The following CSMD1 variants were observed in gnomAD, a reference collection of about 807,000 sequenced individuals.
The protein encoded by CSMD1 is CUB and Sushi multiple domains 1, also known as CUB and sushi domain-containing protein 1.
A neutral mutation model predicts 417.5 loss-of-function variants in CSMD1; 213 were observed. That is an observed-to-expected ratio of 0.51 (90% CI 0.46 to 0.57). CSMD1 has a LOEUF of 0.57. CSMD1 is among the 20% of genes least tolerant of loss of function. The pLI, the probability that CSMD1 is intolerant of heterozygous loss-of-function variation, is 0.00. For synonymous variants in CSMD1, 2,862 were observed against 1,736.8 expected, an observed-to-expected ratio of 1.65 and a Z score of -16.11; for missense variants, 6,923 against 4,529.7, an observed-to-expected ratio of 1.53 and a Z score of -15.17.
At chr8:4,688,645 G>A (rs1196374255) in intron 1 of CSMD1, among the ~76,000 whole-genome samples, 3 of 152,112 alleles carry the variant, frequency 2.0e-5, no homozygotes, top group Admixed American at 6.5e-5. Context: ...ATTTGGGGGG[G>A]TCTTTACCTA....
At chr8:4,100,686 C>A (rs192417996) in intron 3 of CSMD1, among the ~76,000 whole-genome samples, 3 of 152,112 alleles carry the variant, frequency 2.0e-5, no homozygotes, top group Non-Finnish European at 4.4e-5. Context: ...GCCATTCATA[C>A]TGGGAGACTC....
chr8:4,017,977 G>C (rs111461172), intron 4 of CSMD1, among the ~76,000 whole-genome samples: 2,415 of 152,186 alleles, frequency 0.016, 71 homozygotes, highest in African/African-American at 0.056. Flanking sequence ...ATTTATACAT[G>C]TTGCATTTTG....
intron 2 of CSMD1, among the ~76,000 whole-genome samples, chr8:4,626,878 A>C (rs2616985): frequency 6.6e-6 from 1 of 152,204 alleles, no homozygotes; most frequent in Non-Finnish European, 1.5e-5. Flanking sequence ...AAATCAAGTG[A>C]AATACTTGCC....
In CSMD1 at chr8:3,865,854, A is replaced by G. The variant is rs540135172; in HGVS notation, c.819-111812T>C. On this transcript the variant is annotated intron_variant, in intron 5 of 69. Coordinates refer to ENST00000635120, the MANE Select transcript of CSMD1 (RefSeq NM_033225.6). ...ACATTGCTCCATTTGAGCTGGAAACACGTGTTATAGTATACTAGAATTATA... is the reference window on the plus strand; with the variant it reads ...ACATTGCTCCATTTGAGCTGGAAACGCGTGTTATAGTATACTAGAATTATA... Among the ~76,000 whole-genome samples the G allele has an allele frequency of 1.8e-4, 27 of 152,276 alleles. No homozygotes were observed. The South Asian group carries it at 5.6e-3, about 32-fold the overall frequency.
intron 36 of CSMD1, among the ~76,000 whole-genome samples, chr8:3,186,135 A>C (rs1397336586): frequency 1.3e-5 from 2 of 151,844 alleles, no homozygotes; most frequent in Non-Finnish European, 2.9e-5. Context: ...AATTACATTA[A>C]GTGTTGGCAT....
At chr8:4,432,520 T>G (rs944541383) in intron 2 of CSMD1, among the ~76,000 whole-genome samples, 1 of 152,060 alleles carries the variant, frequency 6.6e-6, no homozygotes, top group African/African-American at 2.4e-5. Flanking sequence ...ATGCTCGGAG[T>G]GTGAAAACAC....
chr8:4,650,197 T>A (rs970401864), intron 1 of CSMD1, among the ~76,000 whole-genome samples: 4 of 151,552 alleles, frequency 2.6e-5, no homozygotes, highest in African/African-American at 7.3e-5. Context: ...TCCAAAAAAT[T>A]AGCCGGGTGT....
chr8:4,015,724 G>A (rs953405980), intron 4 of CSMD1, among the ~76,000 whole-genome samples: 1 of 145,608 alleles, frequency 6.9e-6, no homozygotes, highest in African/African-American at 2.5e-5. Flanking sequence ...TAAAACTGTT[G>A]AAAAATACTG....
At chr8:3,041,487 T>C (rs1275233763) in intron 50 of CSMD1, among the ~76,000 whole-genome samples, 1 of 152,236 alleles carries the variant, frequency 6.6e-6, no homozygotes. Context: ...CTAGGCGTAA[T>C]ATTATCCATA....
intron 2 of CSMD1, among the ~76,000 whole-genome samples, chr8:4,464,776 G>T (rs893830686): frequency 6.6e-6 from 1 of 152,154 alleles, no homozygotes; most frequent in Non-Finnish European, 1.5e-5. Context: ...TGAGTGGGGT[G>T]GGGCTGGGCT....
intron 3 of CSMD1, among the ~76,000 whole-genome samples, chr8:4,066,761 A>G (rs1199519034): frequency 6.6e-6 from 1 of 152,140 alleles, no homozygotes; most frequent in African/African-American, 2.4e-5. Flanking sequence ...ACCACAAGCA[A>G]ATACGGAAAG....
intron 1 of CSMD1, among the ~76,000 whole-genome samples, chr8:4,935,599 T>C (rs1189652509): frequency 6.6e-6 from 1 of 152,234 alleles, no homozygotes; most frequent in Admixed American, 6.5e-5. Context: ...TATAAGCCTA[T>C]TTTCATTTGC....
At chr8:4,078,374 G>C (rs1025891665) in intron 3 of CSMD1, among the ~76,000 whole-genome samples, 3 of 146,236 alleles carry the variant, frequency 2.1e-5, no homozygotes, top group Non-Finnish European at 4.5e-5. Flanking sequence ...GAGTGCAGTG[G>C]CGTGATCTCG....
intron 1 of CSMD1, among the ~76,000 whole-genome samples, chr8:4,866,812 G>C (rs1009579553): frequency 5.9e-5 from 9 of 151,902 alleles, no homozygotes; most frequent in African/African-American, 2.2e-4. Context: ...CAATGATACA[G>C]GATCCTTACC....
At chr8:4,395,825 C>T (rs1186905497) in intron 3 of CSMD1, among the ~76,000 whole-genome samples, 1 of 152,068 alleles carries the variant, frequency 6.6e-6, no homozygotes, top group Admixed American at 6.6e-5. Context: ...AAAGTAGATA[C>T]ACATTAACTT....
chr8:4,829,698 T>C (rs189349670), intron 1 of CSMD1, among the ~76,000 whole-genome samples: 1 of 146,098 alleles, frequency 6.8e-6, no homozygotes, highest in Non-Finnish European at 1.5e-5. Flanking sequence ...TCTTTGCACC[T>C]CTGCACTCCA....
At chr8:4,434,177 A>G (rs1358808140) in intron 2 of CSMD1, among the ~76,000 whole-genome samples, 2 of 152,136 alleles carry the variant, frequency 1.3e-5, no homozygotes, top group Non-Finnish European at 2.9e-5. Context: ...GTCTCTACTA[A>G]AAATACAGAA....
At chr8:4,155,614 G>C (rs1228319331) in intron 3 of CSMD1, among the ~76,000 whole-genome samples, 1 of 152,118 alleles carries the variant, frequency 6.6e-6, no homozygotes, top group Non-Finnish European at 1.5e-5. Flanking sequence ...GACAAGGTTT[G>C]ATTTTTTATC....
chr8:4,442,145 A>C (rs949780820), intron 2 of CSMD1, among the ~76,000 whole-genome samples: 10 of 152,210 alleles, frequency 6.6e-5, no homozygotes, highest in African/African-American at 2.2e-4. Context: ...TGATTCAGCA[A>C]AAACATCTGA....
Sources: allele counts gnomAD v4.1 joint callset (sites outside exome capture counted in the v4.1 genomes callset), GRCh38; gene constraint gnomAD v4.1.1; transcripts MANE v1.5; gene names NCBI Gene and HGNC (gene_info 2026-07-23, HGNC 2026-07-21).